SCIN: variants seen among roughly 807,000 people sequenced by gnomAD.
SCIN encodes scinderin, also known as adseverin.
In SCIN, 91 loss-of-function variants were observed where a neutral mutation model predicts 91.8. The ratio of observed to expected loss-of-function variants is 0.99; its 90% CI spans 0.84 to 1.18. The LOEUF is 1.18. Among genes scored for constraint, SCIN ranks in the 50% most tolerant of loss-of-function variants. SCIN has a pLI of 0.00. For missense variants in SCIN, 1,087 were observed against 863.9 expected, an observed-to-expected ratio of 1.26 and a Z score of -3.24; for synonymous variants, 367 against 312.6, an observed-to-expected ratio of 1.17 and a Z score of -1.84.
intron 3 of SCIN, among the ~76,000 whole-genome samples, chr7:12,603,214 C>A (rs1352716667): frequency 1.3e-5 from 2 of 151,922 alleles, no homozygotes; most frequent in Admixed American, 1.3e-4. Context: ...GCATGATCTC[C>A]GCTCACTGCA....
At chr7:12,627,400 G>A (rs916759272) in intron 8 of SCIN, among the ~76,000 whole-genome samples, 1 of 152,012 alleles carries the variant, frequency 6.6e-6, no homozygotes, top group Non-Finnish European at 1.5e-5. Context: ...GCGCTGAAGT[G>A]GCCTTTCTCT....
At position 12,589,852 on chromosome 7, in the gene SCIN, C is replaced by T. The variant is rs755539851; in HGVS notation, c.516+8631C>T. Reference sequence around the variant, plus strand: ...GGGCCTGTTTTGTAAGAGGAAAGGGCGTCCGTATATTAACTCAAATGGACT... The same window carrying T: ...GGGCCTGTTTTGTAAGAGGAAAGGGTGTCCGTATATTAACTCAAATGGACT... On this transcript the variant is annotated intron_variant, in intron 3 of 15. Coordinates refer to ENST00000297029, the MANE Select transcript of SCIN (RefSeq NM_001112706.3). 5.2e-4 allele frequency among the ~76,000 whole-genome samples: 79 copies of T among 152,056 alleles called. 1 individual carries two copies. Among genetic ancestry groups the T allele is most frequent in the East Asian group, 3.9e-4 (2 of 5,176 alleles).
Position 12,640,521 on chromosome 7 carries a change from A to T in SCIN, c.1581+4A>T. ...ATCTATCACCAGAATTGTGGAGGTA[A>T]TGTCATGCATTCCATAAAACATGCC... On this transcript the variant is annotated splice_donor_region_variant and intron_variant, in intron 11 of 15. Coordinates refer to ENST00000297029, the MANE Select transcript of SCIN (RefSeq NM_001112706.3). 1 of 1,603,090 alleles carries T rather than the reference A, an allele frequency of 6.2e-7. No homozygotes were observed. The highest frequency in any genetic ancestry group is 1.1e-5 in the South Asian group (1 of 89,110).
chr7:12,625,900 C>A, intron 7 of SCIN, 50 bp downstream of exon 7: 1 of 1,323,010 alleles, frequency 7.6e-7, no homozygotes, highest in Non-Finnish European at 1.1e-6. Context: ...CATTGGAGCT[C>A]ATGACATCTC....
intron 3 of SCIN, among the ~76,000 whole-genome samples, chr7:12,602,833 T>A (rs918606479): frequency 6.6e-6 from 1 of 152,162 alleles, no homozygotes; most frequent in Non-Finnish European, 1.5e-5. Context: ...TTCAAACACA[T>A]GTGTTTTACA....
intron 4 of SCIN, among the ~76,000 whole-genome samples, chr7:12,621,634 T>G (rs1404009353): frequency 3.9e-5 from 4 of 101,348 alleles, no homozygotes; most frequent in Non-Finnish European, 4.0e-5. Flanking sequence ...CACAAGTGTT[T>G]TAGTTTTTTT....
intron 3 of SCIN, among the ~76,000 whole-genome samples, chr7:12,600,650 G>T (rs1443995027): frequency 2.6e-5 from 4 of 152,170 alleles, no homozygotes; most frequent in Admixed American, 2.6e-4. Flanking sequence ...CTACTGAGTT[G>T]CACTGGATAA....
chr7:12,651,580 T>C lies in SCIN; in HGVS notation c.1960-261T>C, dbSNP rs1368872468. 6.6e-6 allele frequency among the ~76,000 whole-genome samples: 1 copy of C among 151,584 alleles called. No homozygotes were observed. The highest frequency in any genetic ancestry group is 2.4e-5 in the African/African-American group (1 of 41,252). On this transcript the variant is annotated intron_variant, in intron 14 of 15. Transcript: ENST00000297029. The surrounding 1 kb of genome is among the most constrained non-coding windows in gnomAD (Gnocchi z 5.9). ...TTTTGTGAAAGATCACTTTACAAAC[T>C]AGAAAGTACCATGTAAACATAAAAT...
chr7:12,642,288 A>G (rs1783873390), intron 11 of SCIN, among the ~76,000 whole-genome samples: 1 of 151,790 alleles, frequency 6.6e-6, no homozygotes. Context: ...TTTCCCGTGC[A>G]TTTATTCCAT....
At position 12,581,125 on chromosome 7, in the gene SCIN, A is replaced by G; in HGVS notation, c.420A>G (p.Leu140=). The change falls in exon 3 of 16, where the codon CTA becomes CTG. Residue 140 remains leucine (L), a synonymous_variant. Transcript: ENST00000297029. Reference sequence around the variant, plus strand: ...ACGACCTGACAGCCAAGAGGCTCCTACATGTGAAGGGTCGTAGAGTGGTGA... The same window carrying G: ...ACGACCTGACAGCCAAGAGGCTCCTGCATGTGAAGGGTCGTAGAGTGGTGA... ...LTNDLTAKRL[L]HVKGRRVVRA... The G allele has an allele frequency of 1.3e-6, 2 of 1,551,462 alleles. No homozygotes were observed. Among genetic ancestry groups the G allele is most frequent in the Non-Finnish European group, 1.7e-6 (2 of 1,146,822 alleles).
intron 6 of SCIN, among the ~76,000 whole-genome samples, chr7:12,625,399 T>C (rs1470834918): frequency 6.7e-6 from 1 of 149,220 alleles, no homozygotes; most frequent in African/African-American, 2.5e-5. Context: ...TATTGTTAAA[T>C]ACACTTAATA....
intron 1 of SCIN, among the ~76,000 whole-genome samples, chr7:12,572,823 A>G (rs1422154178): frequency 6.6e-6 from 1 of 152,240 alleles, no homozygotes; most frequent in East Asian, 1.9e-4. Flanking sequence ...TTCATTCAGT[A>G]ATTATTCAAT....
At chr7:12,577,950 C>T (rs1782409768) in intron 1 of SCIN, 114 bp from the exon 2 acceptor site, 1 of 867,904 alleles carries the variant, frequency 1.2e-6, no homozygotes, top group Admixed American at 3.3e-5. Context: ...GTGTAGAAGA[C>T]TGTTGGATTG....
At chr7:12,630,277 TC>T (rs1251235347) in intron 9 of SCIN, among the ~76,000 whole-genome samples, 1 of 152,086 alleles carries the variant, frequency 6.6e-6, no homozygotes, top group Non-Finnish European at 1.5e-5. Flanking sequence ...CCTGGGAGCT[TC>T]TTAGATATGT....
chr7:12,652,669 C>T lies in SCIN; in HGVS notation c.2102C>T (p.Pro701Leu). Residue 701 changes from proline to leucine, a missense_variant, in exon 16 of 16, where the codon CCC (proline) becomes CTC (leucine). Coordinates refer to ENST00000297029, the MANE Select transcript of SCIN (RefSeq NM_001112706.3). ...IVIIKQGHEP[P>L]TFTGWFLGWD... is the part of the protein sequence containing the mutation. ...ATCATAAAACAGGGCCATGAGCCAC[C>T]CACATTCACAGGCTGGTTCCTGGGC... 2.5e-6 allele frequency: 4 copies of T among 1,607,518 alleles called. No homozygotes were observed. Among genetic ancestry groups the T allele is most frequent in the South Asian group, 1.1e-5 (1 of 89,560 alleles).
chr7:12,632,083 C>CATTTT (rs55811230), intron 9 of SCIN, among the ~76,000 whole-genome samples: 19,368 of 120,518 alleles, frequency 0.16, 2,107 homozygotes, highest in Middle Eastern at 0.27. Context: ...GATTGGTTTT[C>CATTTT]ATTTTATTTT....
Position 12,570,727 on chromosome 7 carries a change from C to T in SCIN, c.-60C>T. On this transcript the variant is annotated 5_prime_UTR_variant, in exon 1 of 16. Coordinates refer to ENST00000297029, the MANE Select transcript of SCIN (RefSeq NM_001112706.3). ...GGCGAATAAGGTTCCTCCTGCTGCT[C>T]TCGGTTTAGTCCAAGATCAGCGATA... The T allele has an allele frequency of 2.0e-6, 3 of 1,529,286 alleles. No homozygotes were observed. Among genetic ancestry groups the T allele is most frequent in the South Asian group, 2.4e-5 (2 of 82,870 alleles). 94.7% of individuals were successfully genotyped at this position (1,529,286 alleles called of 1,614,324 possible). A position where few individuals can be genotyped will look rare whatever the true frequency, so the allele number is the denominator to read the frequency against.
rs868588328 is a variant in SCIN at position 12,629,189 on chromosome 7, A to G, written c.1286A>G (p.Tyr429Cys). The change falls in exon 9 of 16, where the codon TAC (tyrosine) becomes TGC (cysteine). Residue 429 changes from tyrosine (Y) to cysteine (C), a missense_variant. Tyr to Cys is a radical substitution (Grantham distance 194, BLOSUM62 -2). Transcript: ENST00000297029. ...FYGGDCYIIL[Y>C]TYPRGQIIYT... ...GGTGGTGACTGCTACATCATACTCTACACCTATCCCAGAGGACAGATTATC... is the reference window on the plus strand; with the variant it reads ...GGTGGTGACTGCTACATCATACTCTGCACCTATCCCAGAGGACAGATTATC... The G allele has an allele frequency of 9.9e-6, 16 of 1,612,786 alleles. No individual in the cohort carries two copies. Among genetic ancestry groups the G allele is most frequent in the African/African-American group, 8.0e-5 (6 of 74,918 alleles).
intron 3 of SCIN, among the ~76,000 whole-genome samples, chr7:12,602,326 A>T (rs918627053): frequency 9.9e-5 from 15 of 152,228 alleles, no homozygotes; most frequent in African/African-American, 3.4e-4. Flanking sequence ...CAAAGATCAC[A>T]TGCTTCTGAG....
Sources: allele counts gnomAD v4.1 joint callset (sites outside exome capture counted in the v4.1 genomes callset), GRCh38; gene constraint gnomAD v4.1.1; non-coding constraint Gnocchi (gnomAD v3.1); transcripts MANE v1.5; gene names NCBI Gene and HGNC (gene_info 2026-07-23, HGNC 2026-07-21).